The following GALNT13 variants were observed in gnomAD, a reference collection of about 807,000 sequenced individuals.
GALNT13 encodes the protein polypeptide N-acetylgalactosaminyltransferase 13, also known as UDP-GalNAc:polypeptide N-acetylgalactosaminyltransferase 13.
In GALNT13, 28 loss-of-function variants were observed where a neutral mutation model predicts 64.2. That is an observed-to-expected ratio of 0.44 (90% CI 0.32 to 0.60). GALNT13 has a LOEUF of 0.60. Among genes scored for constraint, GALNT13 ranks in the 20% least tolerant of loss-of-function variants. The probability of loss-of-function intolerance (pLI) is 0.05; values close to 1 mark genes in which losing one functional copy is unlikely to be tolerated. For synonymous variants in GALNT13, 214 were observed against 224.6 expected (o/e 0.95, Z 0.42); for missense variants, 577 against 669.8 (o/e 0.86, Z 1.53).
At chr2:153,589,742 A>T in the GALNT13 span, among the ~76,000 whole-genome samples, 1 of 152,190 alleles carries the variant, frequency 6.6e-6, no homozygotes, top group Non-Finnish European at 1.5e-5. Flanking sequence ...TTATAAAAGC[A>T]TCACATTTTG....
chr2:154,423,976 A>G (rs538503184), intron 11 of GALNT13, among the ~76,000 whole-genome samples: 22 of 152,318 alleles, frequency 1.4e-4, no homozygotes, highest in African/African-American at 4.8e-4. Context: ...CCCCTAATCC[A>G]GCCATGAGAT....
At chr2:153,330,682 T>G in the GALNT13 span, among the ~76,000 whole-genome samples, 1 of 152,024 alleles carries the variant, frequency 6.6e-6, no homozygotes, top group African/African-American at 2.4e-5. Context: ...TTCAGTGGAG[T>G]CTTTGGGGGT....
chr2:153,987,959 G>A (rs1050349459), intron 3 of GALNT13, among the ~76,000 whole-genome samples: 5 of 151,598 alleles, frequency 3.3e-5, no homozygotes, highest in African/African-American at 7.3e-5. Flanking sequence ...ATAAGTATTC[G>A]GGGGAGAAGA....
chr2:153,318,450 ACT>A, the GALNT13 span, among the ~76,000 whole-genome samples: 1 of 152,058 alleles, frequency 6.6e-6, no homozygotes, highest in African/African-American at 2.4e-5. Context: ...TTATGTAAAG[ACT>A]CTGCCTCTTC....
At chr2:153,802,591 T>C in the GALNT13 span, among the ~76,000 whole-genome samples, 1 of 152,218 alleles carries the variant, frequency 6.6e-6, no homozygotes, top group Non-Finnish European at 1.5e-5. Flanking sequence ...AGGTTGACAA[T>C]TGTTAAGACA....
chr2:153,648,076 T>C, the GALNT13 span, among the ~76,000 whole-genome samples: 13 of 152,180 alleles, frequency 8.5e-5, no homozygotes, highest in African/African-American at 3.1e-4. Flanking sequence ...ATTTTCACAA[T>C]ATTGATTCTT....
chr2:153,356,094 G>A, the GALNT13 span, among the ~76,000 whole-genome samples: 1 of 152,224 alleles, frequency 6.6e-6, no homozygotes, highest in Non-Finnish European at 1.5e-5. Context: ...AATAATACTT[G>A]CAAAGTACCT....
chr2:153,623,599 A>G, the GALNT13 span, among the ~76,000 whole-genome samples: 1 of 152,022 alleles, frequency 6.6e-6, no homozygotes, highest in African/African-American at 2.4e-5. Context: ...ATACAATAAA[A>G]ATGGCATAAC....
chr2:154,244,783 A>G (rs1316939407), intron 6 of GALNT13, among the ~76,000 whole-genome samples: 3 of 152,164 alleles, frequency 2.0e-5, no homozygotes, highest in Non-Finnish European at 1.5e-5. Flanking sequence ...ATTTTCTACC[A>G]TAGAAAGCTA....
intron 4 of GALNT13, among the ~76,000 whole-genome samples, chr2:154,225,182 A>ATAGG (rs1688548345): frequency 6.6e-6 from 1 of 151,900 alleles, no homozygotes; most frequent in African/African-American, 2.4e-5. Context: ...AGATAGATAG[A>ATAGG]TAGATAGATA....
intron 2 of GALNT13, among the ~76,000 whole-genome samples, chr2:153,908,918 A>C (rs912446254): frequency 6.6e-6 from 1 of 152,076 alleles, no homozygotes; most frequent in Admixed American, 6.6e-5. Context: ...ATATTTTTCT[A>C]GTTCTGCCAA....
intron 1 of GALNT13, among the ~76,000 whole-genome samples, chr2:153,879,438 A>C (rs1388376496): frequency 2.0e-5 from 3 of 151,978 alleles, no homozygotes; most frequent in African/African-American, 7.3e-5. Context: ...GCTGGAGTGC[A>C]GTGGTGCAAT....
intron 3 of GALNT13, among the ~76,000 whole-genome samples, chr2:154,069,412 T>A (rs549164714): frequency 2.6e-5 from 4 of 151,998 alleles, no homozygotes; most frequent in African/African-American, 9.6e-5. Context: ...CATAAAATCA[T>A]GAAACACCAA....
chr2:153,713,034 C>T, the GALNT13 span, among the ~76,000 whole-genome samples: 13 of 152,144 alleles, frequency 8.5e-5, no homozygotes, highest in Admixed American at 7.9e-4. Context: ...TGTATAAAAA[C>T]TACTTCCAAA....
At chr2:153,639,999 G>A in the GALNT13 span, among the ~76,000 whole-genome samples, 2 of 152,128 alleles carry the variant, frequency 1.3e-5, no homozygotes, top group African/African-American at 2.4e-5. Flanking sequence ...CAGTGCAGAC[G>A]CCCATAGAGG....
Position 154,144,023 on chromosome 2 carries a change from G to T in GALNT13, c.311+3518G>T, listed in dbSNP as rs568324249. 1.4e-4 allele frequency among the ~76,000 whole-genome samples: 22 copies of T among 152,196 alleles called. No homozygotes were observed. In the South Asian group the frequency reaches 3.9e-3, roughly 27 times the overall value. ...TAATTCAAGTTGCTTAGCATGTAAAGTACATAAAATCCTGTATATACTGTG... is the reference window on the plus strand; with the variant it reads ...TAATTCAAGTTGCTTAGCATGTAAATTACATAAAATCCTGTATATACTGTG... On this transcript the variant is annotated intron_variant, in intron 4 of 12. Transcript: ENST00000392825.
intron 8 of GALNT13, among the ~76,000 whole-genome samples, chr2:154,282,250 C>T (rs555888676): frequency 4.8e-4 from 73 of 152,176 alleles, no homozygotes; most frequent in Admixed American, 1.3e-3. Context: ...GCTTTCTAAA[C>T]GAGAGGAATT....
At position 154,298,601 on chromosome 2, in the gene GALNT13, G is replaced by T. The variant is rs1358001261; in HGVS notation, c.976-2808G>T. On this transcript the variant is annotated intron_variant, in intron 8 of 12. Transcript: ENST00000392825. ...TGTATATATAATTTATATATACAAT[G>T]TATATATTAATTTATATATACATTG... Among the ~76,000 whole-genome samples, 17 of 1,772 alleles carry T rather than the reference G, an allele frequency of 9.6e-3. 1 individual carries two copies. The highest frequency in any genetic ancestry group is 0.083 in the East Asian group (2 of 24). 1.2% of individuals were successfully genotyped at this position (1,772 alleles called of 152,430 possible).
the GALNT13 span, among the ~76,000 whole-genome samples, chr2:153,080,562 T>C: frequency 7.9e-5 from 12 of 152,136 alleles, no homozygotes; most frequent in Admixed American, 2.0e-4. Context: ...TATAGCAATT[T>C]TCATAAATGT....
Sources: allele counts gnomAD v4.1 joint callset (sites outside exome capture counted in the v4.1 genomes callset), GRCh38; gene constraint gnomAD v4.1.1; transcripts MANE v1.5; gene names NCBI Gene and HGNC (gene_info 2026-07-23, HGNC 2026-07-21).